Variants in PKNOX2 observed in about 807,000 individuals in gnomAD.
PKNOX2 encodes the protein PBX/knotted 1 homeobox 2.
Under a neutral mutation model 53.1 loss-of-function variants are expected in PKNOX2, and 14 were observed. The observed-to-expected ratio is 0.26, with a 90% CI of 0.17 to 0.41. PKNOX2 has a LOEUF of 0.41. Ranked by LOEUF, PKNOX2 falls within the 10% of genes least tolerant of loss-of-function variation. The pLI is 1.00. For synonymous variants in PKNOX2, 257 were observed against 242.8 expected, an observed-to-expected ratio of 1.06 and a Z score of -0.54; for missense variants, 496 against 602.8, an observed-to-expected ratio of 0.82 and a Z score of 1.85.
chr11:125,343,281 C>A (rs1374357960), intron 3 of PKNOX2, among the ~76,000 whole-genome samples: 1 of 152,204 alleles, frequency 6.6e-6, no homozygotes, highest in African/African-American at 2.4e-5. Flanking sequence ...AGACAGGACC[C>A]ACCGCAGGTC....
At chr11:125,180,828 G>T (rs912694134) in intron 1 of PKNOX2, among the ~76,000 whole-genome samples, 1 of 152,198 alleles carries the variant, frequency 6.6e-6, no homozygotes, top group African/African-American at 2.4e-5. Context: ...GCAGCTATTG[G>T]CAACTGACAG....
intron 2 of PKNOX2, among the ~76,000 whole-genome samples, chr11:125,277,356 A>G (rs539689261): frequency 1.3e-5 from 2 of 152,368 alleles, no homozygotes; most frequent in Non-Finnish European, 1.5e-5. Flanking sequence ...TGATGCTGGC[A>G]GAAATAATAA....
chr11:125,356,040 C>CA (rs71462896), intron 4 of PKNOX2, among the ~76,000 whole-genome samples: 1 of 143,564 alleles, frequency 7.0e-6, no homozygotes, highest in Admixed American at 6.8e-5. Flanking sequence ...CCCCCCCCCC[C>CA]ACAACTTTTC....
intron 1 of PKNOX2, among the ~76,000 whole-genome samples, chr11:125,218,235 C>T (rs543390497): frequency 6.6e-5 from 10 of 152,212 alleles, no homozygotes; most frequent in South Asian, 2.1e-4. Flanking sequence ...TACCACCTCA[C>T]GCTGGCCCCC....
At position 125,363,308 on chromosome 11, in the gene PKNOX2, C is replaced by A. The variant is rs796733161; in HGVS notation, c.88-4538C>A. On this transcript the variant is annotated intron_variant, in intron 4 of 12. Coordinates refer to ENST00000298282, the MANE Select transcript of PKNOX2 (RefSeq NM_001382323.2). ...CAGGGAATGCTGCCTCCTGCCCCAT[C>A]AGTAGCCATTGTCTGGTTCTCTTGA... is the stretch of plus-strand genomic sequence containing the variant. Among the ~76,000 whole-genome samples, 3 of 152,386 alleles carry A rather than the reference C, an allele frequency of 2.0e-5. No individual in the cohort carries two copies. The South Asian group carries it at 6.2e-4, about 32-fold the overall frequency.
At chr11:125,307,777 T>G (rs1846363062) in intron 2 of PKNOX2, among the ~76,000 whole-genome samples, 1 of 152,252 alleles carries the variant, frequency 6.6e-6, no homozygotes, top group Admixed American at 6.5e-5. Context: ...GCCATCTTGC[T>G]GCTAATATGC....
chr11:125,400,635 T>C (rs188127623), intron 7 of PKNOX2, among the ~76,000 whole-genome samples: 1 of 152,182 alleles, frequency 6.6e-6, no homozygotes, highest in East Asian at 1.9e-4. Flanking sequence ...AACCCCATCA[T>C]CTCTGCACAA....
At chr11:125,211,317 T>C (rs1297894960) in intron 1 of PKNOX2, among the ~76,000 whole-genome samples, 1 of 152,124 alleles carries the variant, frequency 6.6e-6, no homozygotes, top group African/African-American at 2.4e-5. Context: ...TATTTTTATG[T>C]ATTCCTTTAT....
chr11:125,235,351 A>G (rs1283045638), intron 2 of PKNOX2, among the ~76,000 whole-genome samples: 1 of 152,220 alleles, frequency 6.6e-6, no homozygotes, highest in African/African-American at 2.4e-5. Flanking sequence ...ATTAAGGTGG[A>G]CTTGATGTGT....
intron 4 of PKNOX2, among the ~76,000 whole-genome samples, chr11:125,357,024 C>A (rs947878357): frequency 1.3e-5 from 2 of 152,272 alleles, no homozygotes; most frequent in African/African-American, 4.8e-5. Context: ...AGAGTTAATT[C>A]AGCAGCTTTG....
In PKNOX2 at chr11:125,362,820, C is replaced by T. The variant is rs192798515; in HGVS notation, c.88-5026C>T. Among the ~76,000 whole-genome samples the T allele has an allele frequency of 3.9e-5, 6 of 152,366 alleles. No homozygotes were observed. In the East Asian group the frequency reaches 9.6e-4, roughly 24 times the overall value. On this transcript the variant is annotated intron_variant, in intron 4 of 12. Coordinates refer to ENST00000298282, the MANE Select transcript of PKNOX2 (RefSeq NM_001382323.2). ...ATGCTTCCCAGCACCCCTTAAAACACACCAGGGAGCATCTCCTACTCATTT... is the reference window on the plus strand; with the variant it reads ...ATGCTTCCCAGCACCCCTTAAAACATACCAGGGAGCATCTCCTACTCATTT...
Position 125,214,699 on chromosome 11 carries a change from G to T in PKNOX2, c.-200-20346G>T, listed in dbSNP as rs185039372. Among the ~76,000 whole-genome samples, 92 of 152,140 alleles carry T rather than the reference G, an allele frequency of 6.0e-4. 1 individual carries two copies. The East Asian group carries it at 0.013, about 22-fold the overall frequency. On this transcript the variant is annotated intron_variant, in intron 1 of 12. Coordinates refer to ENST00000298282, the MANE Select transcript of PKNOX2 (RefSeq NM_001382323.2). ...CAATGCAGCCCCTGCCTGAGGGGTG[G>T]AGGGGATGGGGTGCAGCCTCTCCAA...
At chr11:125,407,816 A>C (rs1425324568) in intron 7 of PKNOX2, among the ~76,000 whole-genome samples, 2 of 152,210 alleles carry the variant, frequency 1.3e-5, no homozygotes, top group Non-Finnish European at 2.9e-5. Flanking sequence ...AGCACGGTTT[A>C]CACACCATGA....
chr11:125,235,394 C>T (rs1480719118), intron 2 of PKNOX2, among the ~76,000 whole-genome samples: 4 of 152,226 alleles, frequency 2.6e-5, no homozygotes, highest in Non-Finnish European at 5.9e-5. Context: ...GAAGGAAGCT[C>T]TTGAGTCTGC....
At chr11:125,167,453 G>T (rs888616539) in intron 1 of PKNOX2, among the ~76,000 whole-genome samples, 8 of 152,146 alleles carry the variant, frequency 5.3e-5, no homozygotes, top group Non-Finnish European at 1.0e-4. Context: ...CTGAGAGCCC[G>T]AGGGGGGAGG....
chr11:125,280,690 C>T (rs776165683), intron 2 of PKNOX2, among the ~76,000 whole-genome samples: 18 of 152,202 alleles, frequency 1.2e-4, no homozygotes, highest in Non-Finnish European at 2.1e-4. Context: ...TGCATGTTAC[C>T]GTTCAGTGCT....
At chr11:125,351,181 G>A in intron 3 of PKNOX2, 103 bp from the exon 4 acceptor site, 1 of 716,210 alleles carries the variant, frequency 1.4e-6, no homozygotes, top group African/African-American at 1.7e-5. Context: ...GCCGCATCCA[G>A]CCGGCCCAGG....
Position 125,198,841 on chromosome 11 carries a change from C to CTT in PKNOX2, c.-201+34078_-201+34079dup, listed in dbSNP as rs1455609130. ...CCTCTTCCTTCTTCTTCTTCTTCTT[C>CTT]TTTTTTTTTTTTTTCTGAGACAGAG... On this transcript the variant is annotated intron_variant, in intron 1 of 12. Transcript: ENST00000298282. 6.5e-3 allele frequency among the ~76,000 whole-genome samples: 627 copies of CTT among 96,110 alleles called. 3 individuals are homozygous for CTT. Among genetic ancestry groups the CTT allele is most frequent in the African/African-American group, 0.019 (567 of 30,322 alleles). The allele number at this position is 96,110 out of a possible 152,430, so 63.1% of individuals were successfully genotyped here. A position where few individuals can be genotyped will look rare whatever the true frequency, so the allele number is the denominator to read the frequency against.
intron 2 of PKNOX2, among the ~76,000 whole-genome samples, chr11:125,270,643 A>G (rs1012135236): frequency 3.3e-5 from 5 of 152,186 alleles, no homozygotes; most frequent in Admixed American, 6.5e-5. Flanking sequence ...TTGATTTTGT[A>G]GTTAGCAATT....
Sources: allele counts gnomAD v4.1 joint callset (sites outside exome capture counted in the v4.1 genomes callset), GRCh38; gene constraint gnomAD v4.1.1; transcripts MANE v1.5; gene names NCBI Gene and HGNC (gene_info 2026-07-23, HGNC 2026-07-21).